The following MARCHF1 variants were observed in gnomAD, a reference collection of about 807,000 sequenced individuals.
The protein encoded by MARCHF1 is membrane associated ring-CH-type finger 1.
Under a neutral mutation model 54.2 loss-of-function variants are expected in MARCHF1, and 40 were observed. The observed-to-expected ratio is 0.74, with a 90% CI of 0.57 to 0.96. The LOEUF (loss-of-function observed/expected upper bound fraction) is 0.96, where lower values mean the gene tolerates loss of function less well. Among genes scored for constraint, MARCHF1 ranks in the 40% least tolerant of loss-of-function variants. The pLI, the probability that MARCHF1 is intolerant of heterozygous loss-of-function variation, is 0.00. For missense variants in MARCHF1, 586 were observed against 656.5 expected, an observed-to-expected ratio of 0.89 and a Z score of 1.17; for synonymous variants, 236 against 236.3, an observed-to-expected ratio of 1.00 and a Z score of 0.01.
chr4:164,211,337 A>G (rs1270810888), intron 1 of MARCHF1, among the ~76,000 whole-genome samples: 77 of 114,050 alleles, frequency 6.8e-4, no homozygotes, highest in African/African-American at 1.9e-3. Context: ...GTATGTATAT[A>G]TATATATATA....
chr4:163,708,363 T>C (rs997224595), intron 4 of MARCHF1, among the ~76,000 whole-genome samples: 2 of 152,134 alleles, frequency 1.3e-5, no homozygotes, highest in Non-Finnish European at 2.9e-5. Flanking sequence ...AGTTACCTAG[T>C]TAATGATCTT....
chr4:163,844,212 G>T (rs1434396765), intron 4 of MARCHF1, among the ~76,000 whole-genome samples: 1 of 152,072 alleles, frequency 6.6e-6, no homozygotes, highest in African/African-American at 2.4e-5. Flanking sequence ...ACTTACAAGT[G>T]AGAGCATGAG....
chr4:164,256,478 T>C (rs1187996820), intron 1 of MARCHF1, among the ~76,000 whole-genome samples: 1 of 147,148 alleles, frequency 6.8e-6, no homozygotes, highest in Admixed American at 6.7e-5. Flanking sequence ...AGAAAGATTA[T>C]AATGAAGATA....
intron 1 of MARCHF1, among the ~76,000 whole-genome samples, chr4:164,205,973 A>T (rs542179572): frequency 8.7e-4 from 132 of 152,316 alleles, no homozygotes; most frequent in African/African-American, 3.1e-3. Flanking sequence ...CAGCTTTAAT[A>T]ATATGAAACA....
intron 3 of MARCHF1, among the ~76,000 whole-genome samples, chr4:163,883,258 TGAGAGAGAGAG>T (rs1750457511): frequency 6.9e-6 from 1 of 145,550 alleles, no homozygotes; most frequent in Middle Eastern, 3.6e-3. Flanking sequence ...TATATATATA[TGAGAGAGAGAG>T]AGAGAGAGAG....
chr4:163,642,031 C>A (rs1054557325), intron 5 of MARCHF1, among the ~76,000 whole-genome samples: 9 of 152,156 alleles, frequency 5.9e-5, no homozygotes, highest in African/African-American at 2.2e-4. Context: ...CTAATGCTGC[C>A]TCATTCTTCA....
At chr4:164,355,898 T>G (rs1307304427) in intron 1 of MARCHF1, among the ~76,000 whole-genome samples, 3 of 121,898 alleles carry the variant, frequency 2.5e-5, no homozygotes, top group Admixed American at 8.5e-5. Context: ...GAATCTACAA[T>G]GAACTCTAAC....
Position 163,731,464 on chromosome 4 carries a change from C to T in MARCHF1, c.112-30601G>A, listed in dbSNP as rs549189710. 8.5e-5 allele frequency among the ~76,000 whole-genome samples: 13 copies of T among 152,280 alleles called. No individual in the cohort carries two copies. The South Asian group carries it at 1.0e-3, about 12-fold the overall frequency. On this transcript the variant is annotated intron_variant, in intron 4 of 9. Coordinates refer to ENST00000514618, the MANE Select transcript of MARCHF1 (RefSeq NM_001394959.1). ...AGTGAGGCCTACAATTATCCCATCT[C>T]GCTGCCTGGAGAAAGTTTCCAGGGC...
intron 3 of MARCHF1, among the ~76,000 whole-genome samples, chr4:163,975,196 TCA>T (rs1176500866): frequency 1.1e-4 from 13 of 119,240 alleles, no homozygotes; most frequent in African/African-American, 3.7e-4. Context: ...TCTCTCTCTC[TCA>T]CACACACACA....
chr4:164,018,603 G>A (rs1753595960), intron 2 of MARCHF1, among the ~76,000 whole-genome samples: 1 of 151,920 alleles, frequency 6.6e-6, no homozygotes, highest in Admixed American at 6.6e-5. Context: ...AATAATCTGG[G>A]AAATGCAAAT....
intron 9 of MARCHF1, among the ~76,000 whole-genome samples, chr4:163,532,631 T>C (rs929031233): frequency 1.3e-5 from 2 of 151,884 alleles, no homozygotes; most frequent in Non-Finnish European, 1.5e-5. Context: ...GCAAAACATA[T>C]TCTGAAAAAG....
intron 3 of MARCHF1, among the ~76,000 whole-genome samples, chr4:163,886,138 T>G (rs1750526421): frequency 6.7e-6 from 1 of 149,052 alleles, no homozygotes; most frequent in Non-Finnish European, 1.5e-5. Context: ...GAGAGATAGA[T>G]CTATAAATAT....
chr4:163,613,346 C>A lies in MARCHF1; in HGVS notation c.210G>T (p.Leu70Phe), dbSNP rs777542850. Residue 70 changes from leucine (L) to phenylalanine (F), a missense_variant, in exon 6 of 10, where the codon TTG (leucine) becomes TTT (phenylalanine). This residue lies in a region of MARCHF1 where 387 missense variants were observed against 394.6 expected (regional missense o/e 0.98). Coordinates refer to ENST00000514618, the MANE Select transcript of MARCHF1 (RefSeq NM_001394959.1). ...TGTCCTGAGTGGATGGACAGACAGA[C>A]AACCTTGACTGGCTCCTGGGAGCTG... ...TGTAPRSQSR[L>F]SVCPSTQDIC... 1.2e-5 allele frequency: 19 copies of A among 1,612,866 alleles called. No homozygotes were observed. Among genetic ancestry groups the A allele is most frequent in the Admixed American group, 1.7e-5 (1 of 59,834 alleles).
intron 3 of MARCHF1, among the ~76,000 whole-genome samples, chr4:163,978,909 T>A (rs551315047): frequency 1.3e-5 from 2 of 152,026 alleles, no homozygotes; most frequent in East Asian, 3.9e-4. Flanking sequence ...GAATATTTTA[T>A]ATAGACAGGG....
At chr4:164,048,255 C>T (rs1320971582) in intron 2 of MARCHF1, among the ~76,000 whole-genome samples, 1 of 151,892 alleles carries the variant, frequency 6.6e-6, no homozygotes, top group African/African-American at 2.4e-5. Context: ...CACTTTAATC[C>T]TTTTTTCTAG....
chr4:163,836,434 A>G (rs1749186656), intron 4 of MARCHF1, among the ~76,000 whole-genome samples: 1 of 141,122 alleles, frequency 7.1e-6, no homozygotes, highest in African/African-American at 2.6e-5. Flanking sequence ...TTTAGTAGAG[A>G]CGGGGTTTCA....
intron 2 of MARCHF1, among the ~76,000 whole-genome samples, chr4:164,084,064 T>C (rs1041331631): frequency 2.6e-5 from 4 of 151,990 alleles, no homozygotes; most frequent in Non-Finnish European, 5.9e-5. Context: ...GCTTATCTCA[T>C]TGCATAATCA....
At chr4:163,638,947 A>G (rs1429481919) in intron 5 of MARCHF1, among the ~76,000 whole-genome samples, 2 of 152,112 alleles carry the variant, frequency 1.3e-5, no homozygotes, top group African/African-American at 2.4e-5. Flanking sequence ...AAAGTCACAT[A>G]TAAGTCTATG....
At chr4:164,237,747 A>G (rs1490074733) in intron 1 of MARCHF1, among the ~76,000 whole-genome samples, 1 of 152,024 alleles carries the variant, frequency 6.6e-6, no homozygotes, top group Non-Finnish European at 1.5e-5. Flanking sequence ...TTTGACCTAG[A>G]GAGAGGTTTT....
Sources: gnomAD v4.1 joint callset for allele counts (sites outside exome capture counted in the v4.1 genomes callset) on GRCh38, gnomAD v4.1.1 for gene constraint, gnomAD v4.1.1 regional missense constraint, MANE v1.5 for transcripts, NCBI Gene and HGNC (gene_info 2026-07-23, HGNC 2026-07-21) for gene names.